The following CNTNAP2 variants were observed in gnomAD, a reference collection of about 807,000 sequenced individuals.
The protein encoded by CNTNAP2 is contactin-associated protein-like 2.
A neutral mutation model predicts 155.2 loss-of-function variants in CNTNAP2; 98 were observed. The observed-to-expected ratio is 0.63, with a 90% CI of 0.54 to 0.75. The LOEUF is 0.75. CNTNAP2 is among the 30% of genes least tolerant of loss of function. The pLI is 0.00. For synonymous variants in CNTNAP2, 651 were observed against 631.2 expected (o/e 1.03, Z -0.47); for missense variants, 1,727 against 1,688.1 (o/e 1.02, Z -0.40).
chr7:147,856,533 G>A (rs1217749524), intron 13 of CNTNAP2, among the ~76,000 whole-genome samples: 1 of 152,054 alleles, frequency 6.6e-6, no homozygotes, highest in Non-Finnish European at 1.5e-5. Context: ...AAGATAGCCT[G>A]TGTGCAGTAC....
Position 147,803,537 on chromosome 7 carries a change from AT to A in CNTNAP2, c.2099-100025del, listed in dbSNP as rs1465100118. On this transcript the variant is annotated intron_variant, in intron 13 of 23. Coordinates refer to ENST00000361727, the MANE Select transcript of CNTNAP2 (RefSeq NM_014141.6). Reference sequence around the variant, plus strand: ...ATTTCTACCAGTCATAGACTGGGAGATTTGCTGACCTTAGAGATAGTAATAT... The same window carrying A: ...ATTTCTACCAGTCATAGACTGGGAGATTGCTGACCTTAGAGATAGTAATAT... Among the ~76,000 whole-genome samples, 9 of 152,134 alleles carry A rather than the reference AT, an allele frequency of 5.9e-5. 1 individual carries two copies. Among genetic ancestry groups the A allele is most frequent in the Admixed American group, 5.2e-4 (8 of 15,266 alleles).
intron 1 of CNTNAP2, among the ~76,000 whole-genome samples, chr7:146,267,891 C>G (rs1800020368): frequency 6.6e-6 from 1 of 152,186 alleles, no homozygotes; most frequent in African/African-American, 2.4e-5. Context: ...CCCATTTGCT[C>G]TATATCCCAT....
At chr7:146,474,786 T>G (rs1487138673) in intron 1 of CNTNAP2, among the ~76,000 whole-genome samples, 1 of 152,110 alleles carries the variant, frequency 6.6e-6, no homozygotes, top group Non-Finnish European at 1.5e-5. Context: ...TGTATCTAGA[T>G]TTTGAAGAAA....
At chr7:146,344,440 T>C (rs1794788516) in intron 1 of CNTNAP2, among the ~76,000 whole-genome samples, 1 of 152,190 alleles carries the variant, frequency 6.6e-6, no homozygotes, top group South Asian at 2.1e-4. Context: ...TTGCTATCTG[T>C]TAATTCTCCC....
At chr7:146,313,660 T>A (rs1161504091) in intron 1 of CNTNAP2, among the ~76,000 whole-genome samples, 1 of 151,712 alleles carries the variant, frequency 6.6e-6, no homozygotes, top group Non-Finnish European at 1.5e-5. Context: ...TCTTATAGTA[T>A]CTTTGTAGTT....
At chr7:146,816,200 G>A (rs1462749141) in intron 2 of CNTNAP2, among the ~76,000 whole-genome samples, 3 of 152,006 alleles carry the variant, frequency 2.0e-5, no homozygotes, top group African/African-American at 4.8e-5. Flanking sequence ...CTTTTTATAT[G>A]TCTGGTACTC....
chr7:147,358,056 A>G (rs1055644585), intron 9 of CNTNAP2, among the ~76,000 whole-genome samples: 1 of 152,180 alleles, frequency 6.6e-6, no homozygotes, highest in Non-Finnish European at 1.5e-5. Context: ...ATTGGATACT[A>G]AAAACTTTCT....
At chr7:146,342,981 A>G (rs1263433337) in intron 1 of CNTNAP2, among the ~76,000 whole-genome samples, 1 of 152,232 alleles carries the variant, frequency 6.6e-6, no homozygotes, top group Non-Finnish European at 1.5e-5. Flanking sequence ...CACTGGAGTC[A>G]TGAGCAATAG....
At chr7:147,000,397 A>G (rs1404518492) in intron 3 of CNTNAP2, among the ~76,000 whole-genome samples, 2 of 151,980 alleles carry the variant, frequency 1.3e-5, no homozygotes, top group African/African-American at 2.4e-5. Flanking sequence ...GTTGTTGCCA[A>G]TTACTTTTGT....
chr7:146,904,706 C>T (rs185340690), intron 3 of CNTNAP2, among the ~76,000 whole-genome samples: 2,178 of 152,174 alleles, frequency 0.014, 47 homozygotes, highest in African/African-American at 0.047. Flanking sequence ...CTCCTGACCT[C>T]GTGATCCGCC....
chr7:148,357,441 T>C (rs573254695), intron 21 of CNTNAP2, among the ~76,000 whole-genome samples: 16 of 152,262 alleles, frequency 1.1e-4, no homozygotes, highest in Admixed American at 9.8e-4. Flanking sequence ...CTCATTGATT[T>C]CTTGGTTTTG....
chr7:148,030,032 A>G (rs186004521), intron 15 of CNTNAP2, among the ~76,000 whole-genome samples: 47 of 152,328 alleles, frequency 3.1e-4, no homozygotes, highest in Admixed American at 1.8e-3. Context: ...CACTCAGTGA[A>G]TAACCTTTAA....
At chr7:148,194,026 A>G (rs1007698485) in intron 18 of CNTNAP2, among the ~76,000 whole-genome samples, 1 of 150,818 alleles carries the variant, frequency 6.6e-6, no homozygotes, top group African/African-American at 2.4e-5. Flanking sequence ...GCTGCAGTGC[A>G]GTGGCGCAAT....
chr7:146,963,084 C>T (rs1053417301), intron 3 of CNTNAP2: 3 of 152,276 alleles, frequency 2.0e-5, no homozygotes, highest in Admixed American at 6.5e-5. Context: ...AGGACTATTA[C>T]GAAGCACTTG....
chr7:148,105,920 C>A (rs1804204953), intron 15 of CNTNAP2, among the ~76,000 whole-genome samples: 1 of 152,274 alleles, frequency 6.6e-6, no homozygotes, highest in African/African-American at 2.4e-5. Flanking sequence ...TCTCTGTTGG[C>A]TTTATCAAGG....
chr7:148,070,839 A>G (rs1803367562), intron 15 of CNTNAP2, among the ~76,000 whole-genome samples: 1 of 152,230 alleles, frequency 6.6e-6, no homozygotes. Context: ...TGTTATATGG[A>G]AAACATTTCT....
At chr7:147,905,028 T>A (rs905118277) in intron 14 of CNTNAP2, among the ~76,000 whole-genome samples, 6 of 152,182 alleles carry the variant, frequency 3.9e-5, no homozygotes, top group Non-Finnish European at 7.4e-5. Context: ...CAGTGAATCA[T>A]CCAATCAGTC....
chr7:147,654,220 C>T (rs1795491968), intron 13 of CNTNAP2, among the ~76,000 whole-genome samples: 1 of 152,252 alleles, frequency 6.6e-6, no homozygotes, highest in African/African-American at 2.4e-5. Context: ...GACAAATGTT[C>T]TCCAAACTAA....
intron 8 of CNTNAP2, among the ~76,000 whole-genome samples, chr7:147,284,621 T>C (rs962866354): frequency 6.6e-6 from 1 of 151,954 alleles, no homozygotes; most frequent in African/African-American, 2.4e-5. Flanking sequence ...ATTTAGTTTA[T>C]AATCCACAAA....
Sources: gnomAD v4.1 joint callset for allele counts (sites outside exome capture counted in the v4.1 genomes callset) on GRCh38, gnomAD v4.1.1 for gene constraint, MANE v1.5 for transcripts, NCBI Gene and HGNC (gene_info 2026-07-23, HGNC 2026-07-21) for gene names.